SH3KBP1: variants seen among roughly 807,000 people sequenced by gnomAD.
SH3KBP1 encodes the protein SH3 domain containing kinase binding protein 1, also known as SH3 domain-containing kinase-binding protein 1.
Under a neutral mutation model 50.1 loss-of-function variants are expected in SH3KBP1, and 8 were observed. The ratio of observed to expected loss-of-function variants is 0.16; its 90% confidence interval spans 0.09 to 0.29. SH3KBP1 has a LOEUF of 0.29. SH3KBP1 is among the 10% of genes least tolerant of loss of function. The pLI, the probability that SH3KBP1 is intolerant of heterozygous loss-of-function variation, is 1.00. For missense variants in SH3KBP1, 377 were observed against 535.2 expected (o/e 0.70, Z 2.92); for synonymous variants, 227 against 218.6 (o/e 1.04, Z -0.34).
intron 12 of SH3KBP1, among the ~76,000 whole-genome samples, chrX:19,571,433 T>G (rs1465857741): frequency 1.8e-5 from 2 of 112,254 alleles, no homozygotes; most frequent in Non-Finnish European, 3.8e-5. Flanking sequence ...TGCCTCAGAC[T>G]GATCCCGAGC....
At chrX:19,755,099 G>A (rs1291124317) in intron 2 of SH3KBP1, among the ~76,000 whole-genome samples, 7 of 112,008 alleles carry the variant, frequency 6.2e-5, no homozygotes, top group Admixed American at 3.8e-4. Flanking sequence ...TGGCAGGCAC[G>A]GTGGCTCACG....
At chrX:19,744,088 T>C (rs16981261) in intron 3 of SH3KBP1, among the ~76,000 whole-genome samples, 1,261 of 111,673 alleles carry the variant, frequency 0.011, 17 homozygotes, top group African/African-American at 0.039. Context: ...ACAACAGTAA[T>C]AGACCAAAAC....
At chrX:19,642,112 G>C (rs1473028386) in intron 7 of SH3KBP1, among the ~76,000 whole-genome samples, 4 of 112,171 alleles carry the variant, frequency 3.6e-5, no homozygotes, top group African/African-American at 9.7e-5. Flanking sequence ...CGAAGTGCTA[G>C]GATTACAGGC....
At chrX:19,765,893 T>G (rs994610749) in intron 2 of SH3KBP1, among the ~76,000 whole-genome samples, 1 of 112,101 alleles carries the variant, frequency 8.9e-6, no homozygotes, top group Admixed American at 9.4e-5. Flanking sequence ...AGAATTTCCT[T>G]CTTTTGAGGC....
intron 9 of SH3KBP1, among the ~76,000 whole-genome samples, chrX:19,600,745 G>T (rs1197350692): frequency 9.0e-5 from 10 of 111,586 alleles, no homozygotes. Context: ...AGTTTCTAGA[G>T]GCACTTGTTC....
intron 9 of SH3KBP1, among the ~76,000 whole-genome samples, chrX:19,607,472 C>A (rs996707559): frequency 8.9e-6 from 1 of 111,882 alleles, no homozygotes; most frequent in Non-Finnish European, 1.9e-5. Flanking sequence ...CGGATATGTG[C>A]GGGTGTACTC....
chrX:19,623,572 C>G (rs1354556340), intron 8 of SH3KBP1, among the ~76,000 whole-genome samples: 1 of 111,990 alleles, frequency 8.9e-6, no homozygotes, highest in South Asian at 3.7e-4. Flanking sequence ...GTAATCCCAG[C>G]TACTCGGAGG....
chrX:19,700,768 A>T (rs938503779), intron 4 of SH3KBP1, among the ~76,000 whole-genome samples: 11 of 112,251 alleles, frequency 9.8e-5, no homozygotes, highest in African/African-American at 3.6e-4. Context: ...TATGCCAAAT[A>T]TAAACAAGCA....
intron 3 of SH3KBP1, among the ~76,000 whole-genome samples, chrX:19,729,876 G>A (rs1373880184): frequency 8.9e-6 from 1 of 112,014 alleles, no homozygotes; most frequent in Non-Finnish European, 1.9e-5. Flanking sequence ...CAAAGCTTAG[G>A]AGGGAACATG....
intron 6 of SH3KBP1, among the ~76,000 whole-genome samples, chrX:19,656,765 T>G (rs895863302): frequency 8.9e-6 from 1 of 112,155 alleles, no homozygotes; most frequent in East Asian, 2.8e-4. Flanking sequence ...GGGCCTGTAA[T>G]CATTTTGAAC....
chrX:19,554,130 CAT>C (rs1470170763), intron 13 of SH3KBP1, among the ~76,000 whole-genome samples: 3 of 66,976 alleles, frequency 4.5e-5, no homozygotes, highest in African/African-American at 2.0e-4. Context: ...TATTATATAT[CAT>C]ATTAAAATAT....
At chrX:19,627,873 G>A (rs760446861) in intron 8 of SH3KBP1, among the ~76,000 whole-genome samples, 1 of 112,354 alleles carries the variant, frequency 8.9e-6, no homozygotes, top group South Asian at 3.7e-4. Flanking sequence ...CCTCTACGGC[G>A]AACACAGAAT....
Position 19,783,074 on chromosome X carries a change from T to C in SH3KBP1, c.163-36633A>G, listed in dbSNP as rs749467393. ...TCGAGGTTGCAGTGACCTGTGATCA[T>C]GCCACTGCACTCTCCAGCCTAGGTG... On this transcript the variant is annotated intron_variant, in intron 2 of 17. Transcript: ENST00000397821. 4.5e-5 allele frequency among the ~76,000 whole-genome samples: 5 copies of C among 112,243 alleles called. No individual in the cohort carries two copies. The South Asian group carries it at 1.9e-3, about 42-fold the overall frequency.
intron 9 of SH3KBP1, among the ~76,000 whole-genome samples, chrX:19,604,198 TAAAC>T (rs754639911): frequency 1.4e-4 from 16 of 111,668 alleles, no homozygotes; most frequent in African/African-American, 4.9e-4. Flanking sequence ...AGGCCAAAAA[TAAAC>T]AGACAGCCAT....
chrX:19,843,015 T>G (rs995106412), intron 1 of SH3KBP1, among the ~76,000 whole-genome samples: 3 of 85,640 alleles, frequency 3.5e-5, no homozygotes, highest in Non-Finnish European at 6.9e-5. Context: ...CAACTTTTTT[T>G]TTTTTTTTTT....
intron 1 of SH3KBP1, among the ~76,000 whole-genome samples, chrX:19,854,831 A>AGACCCTTGGTCTGAAAAAGGAC (rs2068603258): frequency 9.0e-6 from 1 of 111,028 alleles, no homozygotes; most frequent in Admixed American, 9.6e-5. Flanking sequence ...GTCTGAGGTC[A>AGACCCTTGGTCTGAAAAAGGAC]CCTTCAAAAC....
intron 2 of SH3KBP1, among the ~76,000 whole-genome samples, chrX:19,759,247 T>C (rs1382556931): frequency 9.0e-6 from 1 of 111,018 alleles, no homozygotes; most frequent in Non-Finnish European, 1.9e-5. Flanking sequence ...AGGGGCTGGG[T>C]GAGGAATGAC....
chrX:19,802,959 C>T lies in SH3KBP1; in HGVS notation c.162+33166G>A, dbSNP rs182553321. ...GGCACTGTGTCATTGAGGTTGGGGG[C>T]GTGAGAGCCAGAGGCAGGTTCCAGG... On this transcript the variant is annotated intron_variant, in intron 2 of 17. Transcript: ENST00000397821. 1.7e-3 allele frequency among the ~76,000 whole-genome samples: 193 copies of T among 111,448 alleles called. 5 individuals carry two copies. In the Admixed American group the frequency reaches 0.018, roughly 10 times the overall value.
At chrX:19,849,339 T>C (rs927368737) in intron 1 of SH3KBP1, among the ~76,000 whole-genome samples, 3 of 111,184 alleles carry the variant, frequency 2.7e-5, no homozygotes, top group Non-Finnish European at 5.7e-5. Context: ...GCAAATGACT[T>C]AGTTTCTTCA....
Sources: allele counts gnomAD v4.1 joint callset (sites outside exome capture counted in the v4.1 genomes callset), GRCh38; gene constraint gnomAD v4.1.1; transcripts MANE v1.5; gene names NCBI Gene and HGNC (gene_info 2026-07-23, HGNC 2026-07-21).